The following KIFC1 variants were observed in gnomAD, a reference collection of about 807,000 sequenced individuals.
KIFC1 encodes kinesin family member C1.
Under a neutral mutation model 66.6 loss-of-function variants are expected in KIFC1, and 37 were observed. The ratio of observed to expected loss-of-function variants is 0.56; its 90% CI spans 0.43 to 0.73. The LOEUF (loss-of-function observed/expected upper bound fraction) is 0.73, where lower values mean the gene tolerates loss of function less well. Ranked by LOEUF, KIFC1 falls within the 30% of genes least tolerant of loss-of-function variation. KIFC1 has a pLI of 0.00. For synonymous variants in KIFC1, 325 were observed against 343.5 expected (o/e 0.95, Z 0.60); for missense variants, 721 against 859.8 (o/e 0.84, Z 2.02).
At chr6:33,402,241 G>C (rs991809231) in intron 3 of KIFC1, among the ~76,000 whole-genome samples, 1 of 152,224 alleles carries the variant, frequency 6.6e-6, no homozygotes, top group South Asian at 2.1e-4. Context: ...AAACAGGTGA[G>C]GAATGCTATG....
At position 33,409,882 on chromosome 6, in the gene KIFC1, T is replaced by TTA. The variant is rs1775865714; in HGVS notation, c.*193_*194dup. 1.6e-6 allele frequency: 1 copy of TTA among 613,818 alleles called. No individual in the cohort carries two copies. Among genetic ancestry groups the TTA allele is most frequent in the African/African-American group, 1.9e-5 (1 of 53,938 alleles). 38.0% of individuals were successfully genotyped at this position (613,818 alleles called of 1,614,324 possible). On this transcript the variant is annotated 3_prime_UTR_variant, in exon 11 of 11. Coordinates refer to ENST00000428849, the MANE Select transcript of KIFC1 (RefSeq NM_002263.4). ...GTTTTTTTTTTAAATAAAGGTTTTATTAGCATTTGCCCAAGAAGGCAGATA... is the reference window on the plus strand; with the variant it reads ...GTTTTTTTTTTAAATAAAGGTTTTATTATAGCATTTGCCCAAGAAGGCAGATA...
At position 33,406,717 on chromosome 6, in the gene KIFC1, AGGGGTAGAAAG is replaced by A; in HGVS notation, c.1901+56_1901+66del. The A allele has an allele frequency of 6.2e-7, 1 of 1,609,972 alleles. No individual in the cohort carries two copies. Among genetic ancestry groups the A allele is most frequent in the East Asian group, 2.2e-5 (1 of 44,844 alleles). On this transcript the variant is annotated intron_variant, in intron 9 of 10. Coordinates refer to ENST00000428849, the MANE Select transcript of KIFC1 (RefSeq NM_002263.4). This position sits in a 1 kb window ranked among gnomAD's most constrained non-coding sequence, Gnocchi z 4.5. The stretch of plus-strand genomic sequence containing the variant: ...GTCAGGTAGGAACTGTGTTGGGGTG[AGGGGTAGAAAG>A]GGGAACAGTGGAGACCTGTCCAGGC...
At position 33,405,402 on chromosome 6, in the gene KIFC1, G is replaced by A. The variant is rs756750721; in HGVS notation, c.1307G>A (p.Arg436Gln). ...CCCCAGTTGGAGGGGCTGATCCCTC[G>A]GGCCCTGCGGCACCTCTTCTCTGTG... is the stretch of plus-strand genomic sequence containing the variant. The part of the protein sequence containing the change: ...GDPQLEGLIP[R>Q]ALRHLFSVAQ... Residue 436 changes from arginine to glutamine, a missense_variant, in exon 7 of 11, where the codon CGG becomes CAG. By Grantham distance (43) the Arg-to-Gln change is conservative. Transcript: ENST00000428849. This position sits in a 1 kb window ranked among gnomAD's most constrained non-coding sequence, Gnocchi z 5.4. The A allele has an allele frequency of 6.9e-6, 11 of 1,605,744 alleles. No homozygotes were observed. The Admixed American group carries it at 8.4e-5, about 12-fold the overall frequency.
chr6:33,402,740 A>C (rs1345171732), intron 3 of KIFC1, among the ~76,000 whole-genome samples: 1 of 149,632 alleles, frequency 6.7e-6, no homozygotes, highest in Non-Finnish European at 1.5e-5. Flanking sequence ...CAAAAAAAAA[A>C]CAAAATGGAG....
In KIFC1 at chr6:33,404,717, T is replaced by C; in HGVS notation, c.757-135T>C. ...AGTACCATGATTCCTTATTTTCTCA[T>C]CTTTCTTTGTTTACCAGACTTTGAG... is the stretch of plus-strand genomic sequence containing the variant. On this transcript the variant is annotated intron_variant, in intron 6 of 10. Transcript: ENST00000428849. This position sits in a 1 kb window ranked among gnomAD's most constrained non-coding sequence, Gnocchi z 4.0. 1.3e-6 allele frequency: 1 copy of C among 752,000 alleles called. No homozygotes were observed. Among genetic ancestry groups the C allele is most frequent in the East Asian group, 2.6e-5 (1 of 38,498 alleles). 46.6% of individuals were successfully genotyped at this position (752,000 alleles called of 1,614,324 possible).
chr6:33,404,978 A>G lies in KIFC1; in HGVS notation c.883A>G (p.Met295Val), dbSNP rs781532910. ...GGAAGAACGTCTTCATGGGCTAGAA[A>G]TGGAGCGCCGGCGACTGCACAACCA... ...EREERLHGLE[M>V]ERRRLHNQLQ... The change falls in exon 7 of 11, where the codon ATG (methionine) becomes GTG (valine). Residue 295 changes from methionine (M) to valine (V), a missense_variant. Coordinates refer to ENST00000428849, the MANE Select transcript of KIFC1 (RefSeq NM_002263.4). The surrounding 1 kb of genome is among the most constrained non-coding windows in gnomAD (Gnocchi z 4.0). 4 of 1,614,098 alleles carry G rather than the reference A, an allele frequency of 2.5e-6. No individual in the cohort carries two copies. The highest frequency in any genetic ancestry group is 3.4e-6 in the Non-Finnish European group (4 of 1,180,032).
chr6:33,392,101 A>T, intron 1 of KIFC1, 104 bp downstream of exon 1: 1 of 1,321,822 alleles, frequency 7.6e-7, no homozygotes, highest in Non-Finnish European at 1.1e-6. Flanking sequence ...TGTCATGTCT[A>T]CCGGGAGAGC....
At chr6:33,402,391 C>T (rs1429824539) in intron 3 of KIFC1, among the ~76,000 whole-genome samples, 1 of 152,148 alleles carries the variant, frequency 6.6e-6, no homozygotes, top group Admixed American at 6.5e-5. Context: ...ATAGCATTTA[C>T]ATTGTGTTAG....
Position 33,406,070 on chromosome 6 carries a change from CTTATT to C in KIFC1, c.1537-123_1537-119del. On this transcript the variant is annotated intron_variant, in intron 7 of 10. Coordinates refer to ENST00000428849, the MANE Select transcript of KIFC1 (RefSeq NM_002263.4). The surrounding 1 kb of genome is among the most constrained non-coding windows in gnomAD (Gnocchi z 4.5). ...TACCATTTTCAGACATACTGTGCAT[CTTATT>C]TTGTTTCTTGACAGGCTAGAAAGCT... 1.2e-6 allele frequency: 1 copy of C among 857,612 alleles called. No individual in the cohort carries two copies. The highest frequency in any genetic ancestry group is 2.6e-5 in the East Asian group (1 of 39,114). 53.1% of individuals were successfully genotyped at this position (857,612 alleles called of 1,614,324 possible).
chr6:33,392,179 CG>C (rs1774821274), intron 1 of KIFC1, among the ~76,000 whole-genome samples, 182 bp downstream of exon 1: 2 of 152,202 alleles, frequency 1.3e-5, no homozygotes. Context: ...TTAGAGCACC[CG>C]GGGAGGTCGG....
At chr6:33,393,227 G>T (rs1378979018) in intron 1 of KIFC1, among the ~76,000 whole-genome samples, 1 of 152,120 alleles carries the variant, frequency 6.6e-6, no homozygotes, top group Non-Finnish European at 1.5e-5. Flanking sequence ...AAGGAGGGAA[G>T]TGTGGCTGGA....
Position 33,403,676 on chromosome 6 carries a change from G to C in KIFC1, c.356-53G>C, listed in dbSNP as rs1562834658. 6.3e-7 allele frequency: 1 copy of C among 1,595,220 alleles called. No individual in the cohort carries two copies. The highest frequency in any genetic ancestry group is 8.6e-7 in the Non-Finnish European group (1 of 1,166,304). ...ATCCCATAAAGGCTAGAAGGGAGGA[G>C]GGATAGAGAGCCTAGACTTCACTGA... is the stretch of plus-strand genomic sequence containing the variant. On this transcript the variant is annotated intron_variant, in intron 5 of 10. Transcript: ENST00000428849. This position sits in a 1 kb window ranked among gnomAD's most constrained non-coding sequence, Gnocchi z 4.6.
At chr6:33,396,543 A>G (rs550900711) in intron 1 of KIFC1, among the ~76,000 whole-genome samples, 67 of 149,466 alleles carry the variant, frequency 4.5e-4, no homozygotes, top group African/African-American at 1.6e-3. Context: ...TCTGGGCCCA[A>G]GCCATCCTCC....
At chr6:33,393,054 A>C (rs1194153316) in intron 1 of KIFC1, among the ~76,000 whole-genome samples, 2 of 152,186 alleles carry the variant, frequency 1.3e-5, no homozygotes, top group Admixed American at 1.3e-4. Context: ...GGGGAGGCCA[A>C]CTGGCGGGTT....
At chr6:33,397,984 A>G (rs770758793) in intron 1 of KIFC1, 45 bp from the exon 2 acceptor site, 1 of 1,603,878 alleles carries the variant, frequency 6.2e-7, no homozygotes, top group Non-Finnish European at 8.5e-7. Flanking sequence ...TTCTTGGGAC[A>G]TTTGGGCTCC....
chr6:33,406,423 AAC>A lies in KIFC1; in HGVS notation c.1768_1769del (p.Gln590GlyfsTer3). ...CCGGGGAGCGGGAACGCCTTCGGGA[AAC>A]ACAGGCCATTAACAGCAGCCTGTCC... Reference protein sequence around the residue: ...GPGERERLRETQAINSSLSTL... With the variant: ...GPGERERLREXQAINSSLSTL... On this transcript the variant is annotated frameshift_variant, in exon 8 of 11. Coordinates refer to ENST00000428849, the MANE Select transcript of KIFC1 (RefSeq NM_002263.4). LOFTEE classifies it high-confidence loss of function. This position sits in a 1 kb window ranked among gnomAD's most constrained non-coding sequence, Gnocchi z 4.5. The A allele has an allele frequency of 6.2e-7, 1 of 1,606,190 alleles. No individual in the cohort carries two copies. Among genetic ancestry groups the A allele is most frequent in the Non-Finnish European group, 8.5e-7 (1 of 1,174,568 alleles).
chr6:33,406,866 T>C lies in KIFC1; in HGVS notation c.1968T>C (p.Phe656=), dbSNP rs757888416. The change falls in exon 10 of 11, where the codon TTT becomes TTC. Residue 656 remains phenylalanine, a synonymous_variant. Transcript: ENST00000428849. The surrounding 1 kb of genome is among the most constrained non-coding windows in gnomAD (Gnocchi z 4.5). Reference sequence around the variant, plus strand: ...CCGAGTCCCTCAACTCTCTACGCTTTGCCTCCAAGGTGCGATTACCACCCG... The same window carrying C: ...CCGAGTCCCTCAACTCTCTACGCTTCGCCTCCAAGGTGCGATTACCACCCG... ...NVSESLNSLR[F]ASKVNQCVIG... 2 of 1,614,144 alleles carry C rather than the reference T, an allele frequency of 1.2e-6. No individual in the cohort carries two copies. The highest frequency in any genetic ancestry group is 1.7e-6 in the Non-Finnish European group (2 of 1,180,018).
chr6:33,409,301 T>G (rs997841255), intron 10 of KIFC1, among the ~76,000 whole-genome samples: 5 of 152,232 alleles, frequency 3.3e-5, no homozygotes, highest in African/African-American at 1.2e-4. Flanking sequence ...TAAGGAGTCC[T>G]AGTTCCTAAA....
At chr6:33,399,615 T>G (rs1330141331) in intron 3 of KIFC1, among the ~76,000 whole-genome samples, 1 of 151,974 alleles carries the variant, frequency 6.6e-6, no homozygotes, top group Non-Finnish European at 1.5e-5. Flanking sequence ...GTTACTATAC[T>G]GAAGCATGGT....
Sources: gnomAD v4.1 joint callset for allele counts (sites outside exome capture counted in the v4.1 genomes callset) on GRCh38, gnomAD v4.1.1 for gene constraint, Gnocchi (gnomAD v3.1) non-coding constraint, MANE v1.5 for transcripts, NCBI Gene and HGNC (gene_info 2026-07-23, HGNC 2026-07-21) for gene names.